Variants in SGCG observed in about 807,000 individuals in gnomAD.
SGCG encodes the protein gamma-sarcoglycan.
SGCG carries 26 observed loss-of-function variants against 29.3 expected under a neutral mutation model. The ratio of observed to expected loss-of-function variants is 0.89; its 90% CI spans 0.65 to 1.23. The LOEUF (loss-of-function observed/expected upper bound fraction) is 1.23. Among genes scored for constraint, SGCG ranks in the 50% most tolerant of loss-of-function variants. SGCG has a pLI of 0.00. For missense variants in SGCG, 353 were observed against 356.0 expected (o/e 0.99, Z 0.07); for synonymous variants, 145 against 129.7 (o/e 1.12, Z -0.80).
At chr13:23,253,057 G>A (rs1880038199) in intron 4 of SGCG, among the ~76,000 whole-genome samples, 1 of 151,792 alleles carries the variant, frequency 6.6e-6, no homozygotes, top group Non-Finnish European at 1.5e-5. Context: ...AATTACCAGG[G>A]GTTTTAAAGG....
chr13:23,226,182 C>A lies in SGCG; in HGVS notation c.196-8429C>A, dbSNP rs547510590. Among the ~76,000 whole-genome samples the A allele has an allele frequency of 6.6e-5, 10 of 152,170 alleles. No individual in the cohort carries two copies. In the South Asian group the frequency reaches 2.1e-3, roughly 32 times the overall value. On this transcript the variant is annotated intron_variant, in intron 2 of 7. Coordinates refer to ENST00000218867, the MANE Select transcript of SGCG (RefSeq NM_000231.3). The stretch of plus-strand genomic sequence containing the variant: ...TCAAACTATTACTACAAGACATTAT[C>A]AATTTGCATTTTTAAAAAGATCGTC...
chr13:23,254,453 C>T (rs1880100360), intron 4 of SGCG, among the ~76,000 whole-genome samples: 1 of 151,772 alleles, frequency 6.6e-6, no homozygotes, highest in South Asian at 2.1e-4. Flanking sequence ...GCAAAGTATT[C>T]AAGAAGCAGT....
At chr13:23,165,990 A>G in the SGCG span, among the ~76,000 whole-genome samples, 1 of 152,128 alleles carries the variant, frequency 6.6e-6, no homozygotes, top group South Asian at 2.1e-4. Context: ...ATTTGTGAAC[A>G]CGGTTTTAGT....
chr13:23,257,557 C>T (rs908645901), intron 4 of SGCG, among the ~76,000 whole-genome samples: 46 of 152,208 alleles, frequency 3.0e-4, no homozygotes, highest in African/African-American at 1.1e-3. Flanking sequence ...TTAATTAGAT[C>T]CCTTTTGTCA....
At chr13:23,270,728 T>C (rs1182854953) in intron 4 of SGCG, among the ~76,000 whole-genome samples, 1 of 152,200 alleles carries the variant, frequency 6.6e-6, no homozygotes, top group African/African-American at 2.4e-5. Context: ...TCATTGCCTC[T>C]AGATGTTGAG....
intron 6 of SGCG, among the ~76,000 whole-genome samples, chr13:23,305,876 A>G (rs1882342773): frequency 1.3e-5 from 2 of 152,212 alleles, no homozygotes; most frequent in Admixed American, 6.5e-5. Context: ...AACTCATATT[A>G]GTCTGCATTT....
At chr13:23,292,377 T>C (rs1881749394) in intron 5 of SGCG, among the ~76,000 whole-genome samples, 3 of 152,282 alleles carry the variant, frequency 2.0e-5, no homozygotes, top group African/African-American at 7.2e-5. Context: ...CCCAAAGTGC[T>C]GGGATTACCG....
At chr13:23,235,466 A>G (rs2137546162) in intron 3 of SGCG, among the ~76,000 whole-genome samples, 1 of 152,232 alleles carries the variant, frequency 6.6e-6, no homozygotes, top group East Asian at 1.9e-4. Flanking sequence ...AAGATTCTGA[A>G]CAAGTAGATT....
chr13:23,217,961 C>T (rs1204441976), intron 2 of SGCG, among the ~76,000 whole-genome samples: 5 of 152,020 alleles, frequency 3.3e-5, no homozygotes, highest in Non-Finnish European at 7.4e-5. Context: ...GAACATACTA[C>T]CAGAAGCCCA....
intron 1 of SGCG, among the ~76,000 whole-genome samples, chr13:23,181,826 A>G (rs2311591): frequency 0.99 from 150,444 of 152,348 alleles, 74,319 homozygotes; most frequent in Middle Eastern, 1. Flanking sequence ...AATAATACGG[A>G]AAAATATAAC....
chr13:23,279,261 A>G (rs1180949421), intron 4 of SGCG, 98 bp from the exon 5 acceptor site: 1 of 1,148,896 alleles, frequency 8.7e-7, no homozygotes, highest in Non-Finnish European at 1.3e-6. Flanking sequence ...AAGTCTTTAG[A>G]TACTTGGTAT....
At chr13:23,246,976 C>G (rs1879736587) in intron 3 of SGCG, 1 of 153,404 alleles carries the variant, frequency 6.5e-6, no homozygotes, top group African/African-American at 2.4e-5. Context: ...GCCCGAGAAA[C>G]TGTGAAAAAG....
chr13:23,215,238 G>T (rs1384157606), intron 2 of SGCG, among the ~76,000 whole-genome samples: 2 of 152,020 alleles, frequency 1.3e-5, no homozygotes, highest in Non-Finnish European at 2.9e-5. Flanking sequence ...AAAATTAATG[G>T]GCTCCAGATG....
At position 23,212,736 on chromosome 13, in the gene SGCG, C is replaced by G. The variant is rs1878274115; in HGVS notation, c.195+8847C>G. ...TTGGGAAGGCTCTTAGAAATGGATA[C>G]TGCTAAGCTGCTTCCCAAGAGAGGC... On this transcript the variant is annotated intron_variant, in intron 2 of 7. Coordinates refer to ENST00000218867, the MANE Select transcript of SGCG (RefSeq NM_000231.3). 6.6e-5 allele frequency among the ~76,000 whole-genome samples: 10 copies of G among 152,248 alleles called. No homozygotes were observed. In the South Asian group the frequency reaches 2.1e-3, roughly 32 times the overall value.
intron 2 of SGCG, among the ~76,000 whole-genome samples, chr13:23,232,529 T>C (rs1260636393): frequency 1.3e-5 from 2 of 152,186 alleles, no homozygotes; most frequent in Non-Finnish European, 2.9e-5. Context: ...ATTCAGATGC[T>C]TTTAAGACAG....
At chr13:23,230,576 C>T (rs1454265450) in intron 2 of SGCG, among the ~76,000 whole-genome samples, 1 of 152,152 alleles carries the variant, frequency 6.6e-6, no homozygotes, top group Non-Finnish European at 1.5e-5. Context: ...TGATTTGGCC[C>T]TCAGCTTAGG....
At chr13:23,303,128 C>A (rs1301644494) in intron 6 of SGCG, among the ~76,000 whole-genome samples, 1 of 152,104 alleles carries the variant, frequency 6.6e-6, no homozygotes, top group Non-Finnish European at 1.5e-5. Context: ...TGCACATTAC[C>A]CCTGGAAGTA....
chr13:23,222,023 G>C (rs61946663), intron 2 of SGCG, among the ~76,000 whole-genome samples: 9,267 of 152,294 alleles, frequency 0.061, 396 homozygotes, highest in Middle Eastern at 0.15. Context: ...TGATAAGTTT[G>C]AGTATCTATC....
intron 4 of SGCG, among the ~76,000 whole-genome samples, chr13:23,252,596 C>A (rs867481956): frequency 1.3e-5 from 2 of 152,046 alleles, no homozygotes; most frequent in Non-Finnish European, 2.9e-5. Flanking sequence ...GCGGCTGAGG[C>A]AGGAGAATGG....
Sources: allele counts gnomAD v4.1 joint callset (sites outside exome capture counted in the v4.1 genomes callset), GRCh38; gene constraint gnomAD v4.1.1; transcripts MANE v1.5; gene names NCBI Gene and HGNC (gene_info 2026-07-23, HGNC 2026-07-21).